MED16: variants seen among roughly 807,000 people sequenced by gnomAD.
MED16 encodes mediator complex subunit 16.
Under a neutral mutation model 84.4 loss-of-function variants are expected in MED16, and 81 were observed. The ratio of observed to expected loss-of-function variants is 0.96; its 90% CI spans 0.80 to 1.15. MED16 has a LOEUF of 1.15. MED16 is among the 50% of genes most tolerant of loss of function. The pLI, the probability that MED16 is intolerant of heterozygous loss-of-function variation, is 0.00. For synonymous variants in MED16, 897 were observed against 552.2 expected (o/e 1.62, Z -8.76); for missense variants, 1,585 against 1,245.9 (o/e 1.27, Z -4.10).
At chr19:882,170 C>T (rs1338577829) in intron 6 of MED16, among the ~76,000 whole-genome samples, 1 of 152,236 alleles carries the variant, frequency 6.6e-6, no homozygotes, top group Non-Finnish European at 1.5e-5. Context: ...CGCAGCTCCT[C>T]CCAACAGGGC....
chr19:870,512 G>A (rs146302316), intron 13 of MED16, among the ~76,000 whole-genome samples: 4,207 of 149,722 alleles, frequency 0.028, 76 homozygotes, highest in Non-Finnish European at 0.044. Context: ...AGTGGGCCAA[G>A]ACGGCACTAC....
At chr19:878,124 C>T (rs113323399) in intron 8 of MED16, among the ~76,000 whole-genome samples, 4,853 of 67,942 alleles carry the variant, frequency 0.071, no homozygotes, top group Middle Eastern at 0.12. Context: ...AACTCACCTT[C>T]CCCTGGTTGT....
At chr19:883,558 G>A (rs978346892) in intron 6 of MED16, among the ~76,000 whole-genome samples, 9 of 152,166 alleles carry the variant, frequency 5.9e-5, no homozygotes, top group Non-Finnish European at 1.2e-4. Flanking sequence ...CAGCTGCCAG[G>A]GATGTGAGAC....
At chr19:872,739 C>T (rs926528198) in intron 11 of MED16, among the ~76,000 whole-genome samples, 1 of 151,596 alleles carries the variant, frequency 6.6e-6, no homozygotes, top group Non-Finnish European at 1.5e-5. Flanking sequence ...GACTTGATTT[C>T]AAGGCCGCCC....
At chr19:874,766 C>T (rs564598227) in intron 10 of MED16, among the ~76,000 whole-genome samples, 52 of 149,276 alleles carry the variant, frequency 3.5e-4, no homozygotes, top group South Asian at 4.3e-4. Flanking sequence ...CCAGCTACTC[C>T]AGAGGCTGAG....
rs2036267637 is a variant in MED16, at chr19:877,170, A to G, written c.1364T>C (p.Leu455Pro). 6.2e-7 allele frequency: 1 copy of G among 1,608,658 alleles called. No homozygotes were observed. The highest frequency in any genetic ancestry group is 8.5e-7 in the Non-Finnish European group (1 of 1,178,658). The change falls in exon 9 of 16, where the codon CTC becomes CCC. Residue 455 changes from leucine to proline, a missense_variant. Transcript: ENST00000325464. ...GIDSHGKLSV[L>P]RLSPSMGHPL... ...GTGGCCCATGGAAGGTGAGAGGCGG[A>G]GCACGCTCAGCTGCCAGAGACAGAG...
Position 881,703 on chromosome 19 carries a change from G to A in MED16, c.997C>T (p.Gln333Ter). ...QQISPVVGDKQPTILKWRILS... is the reference protein window; with the variant it reads ...QQISPVVGDK Reference sequence around the variant, plus strand: ...ATCCGCCATTTGAGAATTGTGGGCTGTTTGTCGCCAACTGAAAAATCAGGG... The same window carrying A: ...ATCCGCCATTTGAGAATTGTGGGCTATTTGTCGCCAACTGAAAAATCAGGG... The change falls in exon 7 of 16, where the codon CAG becomes TAG. Residue 333 changes from glutamine to a stop codon, truncating the protein, a stop_gained. Transcript: ENST00000325464. LOFTEE classifies it high-confidence loss of function. The A allele has an allele frequency of 2.5e-6, 4 of 1,609,712 alleles. No individual in the cohort carries two copies. The highest frequency in any genetic ancestry group is 3.4e-6 in the Non-Finnish European group (4 of 1,177,506).
intron 13 of MED16, among the ~76,000 whole-genome samples, chr19:869,802 G>A (rs933294345): frequency 5.3e-5 from 8 of 152,176 alleles, no homozygotes; most frequent in Non-Finnish European, 7.4e-5. Context: ...TGGCTCAGAG[G>A]GTTTGCATGT....
intron 4 of MED16, among the ~76,000 whole-genome samples, chr19:888,018 CA>C (rs2036559195): frequency 6.6e-6 from 1 of 151,784 alleles, no homozygotes; most frequent in Admixed American, 6.6e-5. Context: ...CCCTGACCAA[CA>C]TGGAGAAACC....
chr19:868,535 C>G (rs757020591), intron 14 of MED16, 36 bp from the exon 15 acceptor site: 1 of 1,603,152 alleles, frequency 6.2e-7, no homozygotes, highest in Admixed American at 1.7e-5. Flanking sequence ...GTTCCCACTT[C>G]CAGGCGGGCC....
chr19:878,936 C>T (rs1294237138), intron 8 of MED16, among the ~76,000 whole-genome samples: 2 of 146,920 alleles, frequency 1.4e-5, no homozygotes, highest in African/African-American at 5.0e-5. Flanking sequence ...CCGGCCCCGG[C>T]CCCGGCCCCG....
chr19:888,251 T>C (rs937542827), intron 4 of MED16, among the ~76,000 whole-genome samples: 28 of 145,040 alleles, frequency 1.9e-4, no homozygotes, highest in African/African-American at 6.4e-4. Flanking sequence ...GCCGGGCTCG[T>C]TGGCTCACAC....
chr19:891,159 G>A lies in MED16; in HGVS notation c.-18-10C>T, dbSNP rs2036624070. ...GGGCAGTCACCAGCTCCTGCGGGAG[G>A]GAGGTGTGGTGGGACGTCTATGTTG... is the stretch of plus-strand genomic sequence containing the variant. On this transcript the variant is annotated splice_polypyrimidine_tract_variant and intron_variant, in intron 1 of 15. Transcript: ENST00000325464. The A allele has an allele frequency of 6.2e-7, 1 of 1,600,156 alleles. No homozygotes were observed. The highest frequency in any genetic ancestry group is 1.1e-5 in the South Asian group (1 of 89,182).
Position 884,148 on chromosome 19 carries a change from C to T in MED16, c.985+755G>A, listed in dbSNP as rs1184659020. On this transcript the variant is annotated intron_variant, in intron 6 of 15. Transcript: ENST00000325464. ...CACTCCAGGGTCCATTAGCGCTAAT[C>T]GGCAAATGCCTGTGCTCTCATCTAC... Among the ~76,000 whole-genome samples, 9 of 152,300 alleles carry T rather than the reference C, an allele frequency of 5.9e-5. No homozygotes were observed. In the East Asian group the frequency reaches 1.4e-3, roughly 23 times the overall value.
intron 13 of MED16, among the ~76,000 whole-genome samples, chr19:870,566 C>CAAA (rs1227950208): frequency 4.8e-5 from 5 of 103,678 alleles, no homozygotes; most frequent in South Asian, 3.6e-4. Flanking sequence ...GTCGGGGAGA[C>CAAA]AAAAAAAAAA....
At chr19:873,769 G>GCC (rs151113242) in intron 10 of MED16, among the ~76,000 whole-genome samples, 187 bp from the exon 11 acceptor site, 10 of 150,514 alleles carry the variant, frequency 6.6e-5, no homozygotes, top group African/African-American at 2.4e-4. Context: ...CCCACTGCCT[G>GCC]CCCCCCCCCG....
At chr19:882,000 G>A (rs1266613166) in intron 6 of MED16, among the ~76,000 whole-genome samples, 1 of 152,266 alleles carries the variant, frequency 6.6e-6, no homozygotes, top group Admixed American at 6.5e-5. Context: ...ACAGTGGGGA[G>A]ACGGCGCCAC....
rs1363661805 is a variant in MED16 at position 873,489 on chromosome 19, C to T, written c.1865G>A (p.Gly622Asp). 1.9e-6 allele frequency: 3 copies of T among 1,611,522 alleles called. No homozygotes were observed. Among genetic ancestry groups the T allele is most frequent in the East Asian group, 2.2e-5 (1 of 44,854 alleles). ...GGCCAGCAGGTACAGCACGAAGTCG[C>T]CCACCCACTGCAAGAGCTGCTGCAG... ...QALQQLLQWV[G>D]DFVLYLLASL... The change falls in exon 11 of 16, where the codon GGC becomes GAC. Residue 622 changes from glycine to aspartate, a missense_variant. Physicochemically the swap from Gly to Asp is moderately conservative, Grantham distance 94. Coordinates refer to ENST00000325464, the MANE Select transcript of MED16 (RefSeq NM_005481.3).
chr19:876,502 G>A (rs1489550296), intron 9 of MED16, among the ~76,000 whole-genome samples: 2 of 152,090 alleles, frequency 1.3e-5, no homozygotes, highest in African/African-American at 2.4e-5. Context: ...GAGGGGAGCC[G>A]TCCAGGGGGG....
Sources: allele counts gnomAD v4.1 joint callset (sites outside exome capture counted in the v4.1 genomes callset), GRCh38; gene constraint gnomAD v4.1.1; transcripts MANE v1.5; gene names NCBI Gene and HGNC (gene_info 2026-07-23, HGNC 2026-07-21).